CEMIP: variants seen among roughly 807,000 people sequenced by gnomAD.
The protein encoded by CEMIP is cell migration inducing hyaluronidase 1.
A neutral mutation model predicts 156.9 loss-of-function variants in CEMIP; 105 were observed. The ratio of observed to expected loss-of-function variants is 0.67; its 90% CI spans 0.57 to 0.79. The LOEUF is 0.79. Ranked by LOEUF, CEMIP falls within the 30% of genes least tolerant of loss-of-function variation. The pLI is 0.00. For synonymous variants in CEMIP, 676 were observed against 668.4 expected, an observed-to-expected ratio of 1.01 and a Z score of -0.17; for missense variants, 1,457 against 1,769.4, an observed-to-expected ratio of 0.82 and a Z score of 3.17.
rs1694382101 is a variant in CEMIP at position 80,900,648 on chromosome 15, GTCTGTGTGTGTGTC to G, written c.1411+4590_1411+4603del. On this transcript the variant is annotated intron_variant, in intron 12 of 29. Coordinates refer to ENST00000394685, the MANE Select transcript of CEMIP (RefSeq NM_001293298.2). ...TGTGTGTGTGTGTGTGTGTGTGTGT[GTCTGTGTGTGTGTC>G]TGTGTGTGTGTGTGTATTTTGTGTG... 4.9e-4 allele frequency among the ~76,000 whole-genome samples: 55 copies of G among 111,888 alleles called. 2 individuals are homozygous for G. The highest frequency in any genetic ancestry group is 1.8e-3 in the African/African-American group (53 of 30,206). 73.4% of individuals were successfully genotyped at this position (111,888 alleles called of 152,430 possible).
At chr15:80,911,873 A>G (rs919251809) in intron 14 of CEMIP, among the ~76,000 whole-genome samples, 3 of 151,754 alleles carry the variant, frequency 2.0e-5, no homozygotes, top group Admixed American at 1.3e-4. Flanking sequence ...CAGTGTTGAG[A>G]GTGAGCATCC....
At chr15:80,898,813 ATG>A (rs1899338515) in intron 12 of CEMIP, among the ~76,000 whole-genome samples, 1 of 152,156 alleles carries the variant, frequency 6.6e-6, no homozygotes, top group Non-Finnish European at 1.5e-5. Flanking sequence ...GTCAGTGTGC[ATG>A]TTGCACACTT....
chr15:80,841,506 G>T (rs143595250), intron 1 of CEMIP, among the ~76,000 whole-genome samples: 1 of 152,236 alleles, frequency 6.6e-6, no homozygotes, highest in African/African-American at 2.4e-5. Context: ...AGACATGGGG[G>T]AAGCGGGCAA....
chr15:80,935,301 G>A (rs964665872), intron 23 of CEMIP, among the ~76,000 whole-genome samples: 1 of 152,184 alleles, frequency 6.6e-6, no homozygotes, highest in African/African-American at 2.4e-5. Flanking sequence ...CATCCACACT[G>A]TCAGCATTAC....
intron 29 of CEMIP, chr15:80,948,086 C>T (rs1158441351): frequency 6.5e-6 from 1 of 153,314 alleles, no homozygotes; most frequent in African/African-American, 2.4e-5. Context: ...TTTGGAGCCT[C>T]TGTCTTTTAA....
At chr15:80,847,200 C>T (rs1191381426) in intron 1 of CEMIP, among the ~76,000 whole-genome samples, 1 of 152,162 alleles carries the variant, frequency 6.6e-6, no homozygotes, top group Non-Finnish European at 1.5e-5. Flanking sequence ...AGGCATGCAC[C>T]ATCATGCCTG....
chr15:80,827,161 C>T (rs1440546260), intron 1 of CEMIP, among the ~76,000 whole-genome samples: 1 of 152,138 alleles, frequency 6.6e-6, no homozygotes, highest in East Asian at 1.9e-4. Flanking sequence ...GACGTGTCCC[C>T]AGTGATGATT....
chr15:80,938,915 T>C (rs1567110981), intron 25 of CEMIP, among the ~76,000 whole-genome samples: 1 of 152,338 alleles, frequency 6.6e-6, no homozygotes, highest in South Asian at 2.1e-4. Flanking sequence ...TATTCTTATA[T>C]GGAAGTCAAT....
intron 1 of CEMIP, among the ~76,000 whole-genome samples, chr15:80,814,660 T>C (rs1473514829): frequency 6.6e-6 from 1 of 152,086 alleles, no homozygotes; most frequent in Non-Finnish European, 1.5e-5. Context: ...CCTCAAAGGA[T>C]AGGTAGGCTT....
chr15:80,840,913 C>T (rs1897397453), intron 1 of CEMIP, among the ~76,000 whole-genome samples: 2 of 152,218 alleles, frequency 1.3e-5, no homozygotes, highest in South Asian at 4.1e-4. Flanking sequence ...GCCACCATGC[C>T]TCACCTTCAT....
In CEMIP at chr15:80,929,134, G is replaced by A; in HGVS notation, c.2572G>A (p.Gly858Ser). The stretch of plus-strand genomic sequence containing the variant: ...GATGGACAATAGGATCTGGGGCCCT[G>A]GCGGCTTGGACCATAGCGGAAGGAC... ...EMMDNRIWGP[G>S]GLDHSGRTLP... The change falls in exon 21 of 30, where the codon GGC (glycine) becomes AGC (serine). Residue 858 changes from glycine (G) to serine (S), a missense_variant. This residue lies in a region of CEMIP where 798 missense variants were observed against 980.1 expected (regional missense o/e 0.81). Coordinates refer to ENST00000394685, the MANE Select transcript of CEMIP (RefSeq NM_001293298.2). The A allele has an allele frequency of 6.2e-7, 1 of 1,614,226 alleles. No homozygotes were observed. The highest frequency in any genetic ancestry group is 8.5e-7 in the Non-Finnish European group (1 of 1,180,042).
chr15:80,927,519 T>C (rs192225053), intron 19 of CEMIP, among the ~76,000 whole-genome samples: 1 of 152,312 alleles, frequency 6.6e-6, no homozygotes, highest in East Asian at 1.9e-4. Flanking sequence ...TATTGGGCAT[T>C]TCAGAGTTTA....
At position 80,949,174 on chromosome 15, in the gene CEMIP, C is replaced by A. The variant is rs1901706866; in HGVS notation, c.*250C>A. 1 of 542,948 alleles carries A rather than the reference C, an allele frequency of 1.8e-6. No individual in the cohort carries two copies. Among genetic ancestry groups the A allele is most frequent in the South Asian group, 1.9e-5 (1 of 51,312 alleles). The allele number at this position is 542,948 out of a possible 1,614,324, so 33.6% of individuals were successfully genotyped here. On this transcript the variant is annotated 3_prime_UTR_variant, in exon 30 of 30. Coordinates refer to ENST00000394685, the MANE Select transcript of CEMIP (RefSeq NM_001293298.2). ...GGAAACATTCACTTTCCTGCAGCCT[C>A]TTGGGTGCTTCTCTCCTATCTGTGC...
rs1033242458 is a variant in CEMIP, at chr15:80,873,635, C to T, written c.-78C>T. ...GAGCTGCAGGACACAGGCAGGACAA[C>T]GGTAGGATTTTCATGCCCCGATCTG... On this transcript the variant is annotated 5_prime_UTR_variant, in exon 2 of 30. It adds an upstream start codon to the 5' untranslated region. Transcript: ENST00000394685. 3.4e-5 allele frequency: 18 copies of T among 528,106 alleles called. No homozygotes were observed. The highest frequency in any genetic ancestry group is 2.4e-4 in the East Asian group (7 of 29,738). 32.7% of individuals were successfully genotyped at this position (528,106 alleles called of 1,614,324 possible).
chr15:80,864,061 G>A (rs777260565), intron 1 of CEMIP, among the ~76,000 whole-genome samples: 8 of 152,042 alleles, frequency 5.3e-5, no homozygotes, highest in Non-Finnish European at 1.2e-4. Flanking sequence ...AGGCTGCCGC[G>A]CAGAAATGAC....
chr15:80,909,508 C>T (rs1027349955), intron 14 of CEMIP: 10 of 667,730 alleles, frequency 1.5e-5, no homozygotes, highest in Non-Finnish European at 1.9e-5. Context: ...ACCAAAGGTA[C>T]CAAGCAGAGA....
chr15:80,841,139 T>C (rs1897405480), intron 1 of CEMIP, among the ~76,000 whole-genome samples: 2 of 152,220 alleles, frequency 1.3e-5, no homozygotes, highest in African/African-American at 4.8e-5. Flanking sequence ...TGTGGGAATT[T>C]GGACCTGGGT....
intron 23 of CEMIP, 33 bp from the exon 24 acceptor site, chr15:80,936,641 C>T: frequency 1.3e-6 from 2 of 1,557,998 alleles, no homozygotes; most frequent in Non-Finnish European, 1.8e-6. Flanking sequence ...TCGTAATAGC[C>T]TCATTGTGTG....
chr15:80,857,990 A>G (rs753064416), intron 1 of CEMIP, among the ~76,000 whole-genome samples: 1 of 152,172 alleles, frequency 6.6e-6, no homozygotes, highest in African/African-American at 2.4e-5. Context: ...CAAGCTTGGC[A>G]TCTTCAAGGA....
Sources: allele counts gnomAD v4.1 joint callset (sites outside exome capture counted in the v4.1 genomes callset), GRCh38; gene constraint gnomAD v4.1.1; regional missense constraint gnomAD v4.1.1; transcripts MANE v1.5; gene names NCBI Gene and HGNC (gene_info 2026-07-23, HGNC 2026-07-21).